MLLT10: variants seen among roughly 807,000 people sequenced by gnomAD.
MLLT10 encodes the protein MLLT10 histone lysine methyltransferase DOT1L cofactor.
In MLLT10, 30 loss-of-function variants were observed where a neutral mutation model predicts 129.1. The ratio of observed to expected loss-of-function variants is 0.23; its 90% CI spans 0.17 to 0.32. The LOEUF is 0.32. Among genes scored for constraint, MLLT10 ranks in the 10% least tolerant of loss-of-function variants. The probability of loss-of-function intolerance (pLI) is 1.00; values close to 1 mark genes in which losing one functional copy is unlikely to be tolerated. For missense variants in MLLT10, 1,119 were observed against 1,268.3 expected, an observed-to-expected ratio of 0.88 and a Z score of 1.79; for synonymous variants, 490 against 446.4, an observed-to-expected ratio of 1.10 and a Z score of -1.23.
At chr10:21,620,144 G>C (rs2131222863) in intron 8 of MLLT10, among the ~76,000 whole-genome samples, 1 of 152,020 alleles carries the variant, frequency 6.6e-6, no homozygotes, top group East Asian at 1.9e-4. Flanking sequence ...TGGTCAGGCT[G>C]GTCTCGAACT....
intron 2 of MLLT10, among the ~76,000 whole-genome samples, chr10:21,536,455 A>G (rs570112549): frequency 6.6e-6 from 1 of 152,358 alleles, no homozygotes; most frequent in South Asian, 2.1e-4. Flanking sequence ...ATTTTTATTC[A>G]AATCTTAAAT....
At chr10:21,542,851 A>G (rs774690127) in intron 3 of MLLT10, among the ~76,000 whole-genome samples, 11 of 152,236 alleles carry the variant, frequency 7.2e-5, no homozygotes, top group Non-Finnish European at 1.5e-4. Context: ...ACACTACTGC[A>G]CACTAGTCCA....
intron 3 of MLLT10, among the ~76,000 whole-genome samples, chr10:21,552,691 C>T (rs1224232432): frequency 6.6e-6 from 1 of 152,138 alleles, no homozygotes; most frequent in Non-Finnish European, 1.5e-5. Context: ...CATGCCCGGC[C>T]TCTCTCATTG....
intron 14 of MLLT10, among the ~76,000 whole-genome samples, chr10:21,721,590 T>TA (rs1455650175): frequency 2.0e-5 from 3 of 152,186 alleles, no homozygotes; most frequent in Non-Finnish European, 4.4e-5. Context: ...AAACTCTTAA[T>TA]AACAGGAGAA....
intron 9 of MLLT10, 114 bp downstream of exon 9, chr10:21,651,882 A>G: frequency 2.4e-6 from 1 of 425,430 alleles, no homozygotes; most frequent in Non-Finnish European, 4.3e-6. Context: ...ACCACATATC[A>G]GGCACTTAGA....
rs528523345 is a variant in MLLT10, at chr10:21,735,788, A to G, written c.2955+553A>G. 3.3e-5 allele frequency among the ~76,000 whole-genome samples: 5 copies of G among 152,288 alleles called. No individual in the cohort carries two copies. In the East Asian group the frequency reaches 5.8e-4, roughly 18 times the overall value. ...CGTACTTGTGTTCGGAAGAGAAGTCAGCAGCCATGTGGTCAGAGGGTGGGA... is the reference window on the plus strand; with the variant it reads ...CGTACTTGTGTTCGGAAGAGAAGTCGGCAGCCATGTGGTCAGAGGGTGGGA... On this transcript the variant is annotated intron_variant, in intron 21 of 22. Transcript: ENST00000307729.
chr10:21,632,876 G>T (rs886342751), intron 8 of MLLT10, among the ~76,000 whole-genome samples: 2 of 152,066 alleles, frequency 1.3e-5, no homozygotes, highest in African/African-American at 4.8e-5. Flanking sequence ...AAAAAATCAT[G>T]CCAAGTAAAC....
At chr10:21,732,719 CAT>C (rs1424536911) in intron 17 of MLLT10, among the ~76,000 whole-genome samples, 178 bp from the exon 18 acceptor site, 1 of 152,150 alleles carries the variant, frequency 6.6e-6, no homozygotes, top group Non-Finnish European at 1.5e-5. Context: ...AAAATACAAA[CAT>C]AGATAGGCAA....
In MLLT10 at chr10:21,534,349, T is replaced by A; in HGVS notation, c.-172T>A. The A allele has an allele frequency of 2.7e-6, 1 of 366,150 alleles. No homozygotes were observed. Among genetic ancestry groups the A allele is most frequent in the South Asian group, 9.1e-5 (1 of 10,994 alleles). 22.7% of individuals were successfully genotyped at this position (366,150 alleles called of 1,614,324 possible). On this transcript the variant is annotated 5_prime_UTR_variant, in exon 1 of 23. Coordinates refer to ENST00000307729, the MANE Select transcript of MLLT10 (RefSeq NM_001195626.3). ...GCGCCTGTGCGGAGGCCCTCTTGATTATGTGTGCCCTCTCCGGGCGCCCGC... is the reference window on the plus strand; with the variant it reads ...GCGCCTGTGCGGAGGCCCTCTTGATAATGTGTGCCCTCTCCGGGCGCCCGC...
intron 9 of MLLT10, among the ~76,000 whole-genome samples, chr10:21,652,060 G>A (rs146876133): frequency 0.041 from 6,238 of 151,754 alleles, 154 homozygotes; most frequent in Non-Finnish European, 0.06. Context: ...CTACAGGCGC[G>A]TGCCACTGTG....
At chr10:21,738,704 C>T (rs771478260) in intron 21 of MLLT10, 14 of 324,086 alleles carry the variant, frequency 4.3e-5, no homozygotes, top group Non-Finnish European at 5.3e-5. Context: ...CGGCATTAGA[C>T]AGAGTTGATC....
intron 3 of MLLT10, among the ~76,000 whole-genome samples, chr10:21,554,030 TACTC>T (rs1219610413): frequency 6.6e-6 from 1 of 152,200 alleles, no homozygotes; most frequent in Non-Finnish European, 1.5e-5. Context: ...GTTATTCTGA[TACTC>T]ACGATGGTGT....
In MLLT10 at chr10:21,739,149, C is replaced by CA. The variant is rs1473457319; in HGVS notation, c.2956-877dup. Reference sequence around the variant, plus strand: ...CCTGAAATCAGACTGTGCCACTTCTCAAAACCTTCCCGTTTTACCATGAAT... The same window carrying CA: ...CCTGAAATCAGACTGTGCCACTTCTCAAAAACCTTCCCGTTTTACCATGAAT... On this transcript the variant is annotated intron_variant, in intron 21 of 22. Transcript: ENST00000307729. 2.6e-5 allele frequency among the ~76,000 whole-genome samples: 4 copies of CA among 152,180 alleles called. No individual in the cohort carries two copies. In the East Asian group the frequency reaches 7.7e-4, roughly 29 times the overall value.
chr10:21,736,689 A>G (rs1444073203), intron 21 of MLLT10, among the ~76,000 whole-genome samples: 1 of 152,224 alleles, frequency 6.6e-6, no homozygotes, highest in African/African-American at 2.4e-5. Flanking sequence ...GGAGAACAGA[A>G]CCCAACCAAT....
intron 3 of MLLT10, among the ~76,000 whole-genome samples, chr10:21,547,929 T>C (rs2036377921): frequency 6.6e-6 from 1 of 152,170 alleles, no homozygotes; most frequent in Non-Finnish European, 1.5e-5. Context: ...AATCTAGCCT[T>C]TTATTTTCCT....
intron 3 of MLLT10, among the ~76,000 whole-genome samples, chr10:21,567,491 A>G (rs767896366): frequency 6.6e-6 from 1 of 152,128 alleles, no homozygotes; most frequent in Non-Finnish European, 1.5e-5. Context: ...TTACTGGCAG[A>G]TGGTGGTGGA....
At chr10:21,545,754 A>G (rs1280693812) in intron 3 of MLLT10, among the ~76,000 whole-genome samples, 1 of 152,126 alleles carries the variant, frequency 6.6e-6, no homozygotes, top group Non-Finnish European at 1.5e-5. Flanking sequence ...GCAACATCGA[A>G]CTCTGGGGCT....
At chr10:21,600,157 T>G (rs2043387434) in intron 5 of MLLT10, among the ~76,000 whole-genome samples, 1 of 152,116 alleles carries the variant, frequency 6.6e-6, no homozygotes, top group Admixed American at 6.6e-5. Flanking sequence ...TTGGTGTGTC[T>G]ATTTTTATCC....
chr10:21,626,680 T>C (rs946037711), intron 8 of MLLT10, among the ~76,000 whole-genome samples: 4 of 152,238 alleles, frequency 2.6e-5, no homozygotes, highest in Non-Finnish European at 4.4e-5. Flanking sequence ...AGAGCTAGAC[T>C]ACTTTCTTCT....
Sources: allele counts gnomAD v4.1 joint callset (sites outside exome capture counted in the v4.1 genomes callset), GRCh38; gene constraint gnomAD v4.1.1; transcripts MANE v1.5; gene names NCBI Gene and HGNC (gene_info 2026-07-23, HGNC 2026-07-21).